Variants in NCOA6 observed in about 807,000 individuals in gnomAD.
NCOA6 encodes the protein NRC RAP250.
Under a neutral mutation model 171.4 loss-of-function variants are expected in NCOA6, and 49 were observed. The ratio of observed to expected loss-of-function variants is 0.29; its 90% CI spans 0.23 to 0.36. The LOEUF (loss-of-function observed/expected upper bound fraction) is 0.36, where lower values mean the gene tolerates loss of function less well. NCOA6 is among the 10% of genes least tolerant of loss of function. NCOA6 has a pLI of 1.00. For synonymous variants in NCOA6, 910 were observed against 927.5 expected, an observed-to-expected ratio of 0.98 and a Z score of 0.34; for missense variants, 2,248 against 2,554.5, an observed-to-expected ratio of 0.88 and a Z score of 2.59.
At chr20:34,799,119 C>A (rs1472863591) in intron 1 of NCOA6, among the ~76,000 whole-genome samples, 1 of 151,944 alleles carries the variant, frequency 6.6e-6, no homozygotes, top group Non-Finnish European at 1.5e-5. Context: ...AATTCAGAAT[C>A]CTATCAGATA....
chr20:34,750,415 G>C lies in NCOA6; in HGVS notation c.1780C>G (p.Gln594Glu). The stretch of plus-strand genomic sequence containing the variant: ...GGAACCCCAGAAGTACCAGCCTGCT[G>C]ATTGTTCATGTTGCCATGAATTCCC... ...LMGIHGNMNN[Q>E]QAGTSGVPQV... The change falls in exon 9 of 15, where the codon CAG becomes GAG. Residue 594 changes from glutamine to glutamate, a missense_variant. This residue lies in a region of NCOA6 where 987 missense variants were observed against 1,104.7 expected (regional missense o/e 0.89). Coordinates refer to ENST00000359003, the MANE Select transcript of NCOA6 (RefSeq NM_014071.5). 1 of 1,614,026 alleles carries C rather than the reference G, an allele frequency of 6.2e-7. No individual in the cohort carries two copies.
intron 5 of NCOA6, among the ~76,000 whole-genome samples, chr20:34,764,288 C>T (rs2076907972): frequency 1.3e-5 from 2 of 152,130 alleles, no homozygotes; most frequent in Admixed American, 1.3e-4. Context: ...AGGGTTTCAC[C>T]ATGTTAGCCA....
At chr20:34,779,228 T>C (rs991956070) in intron 3 of NCOA6, among the ~76,000 whole-genome samples, 5 of 152,182 alleles carry the variant, frequency 3.3e-5, no homozygotes, top group South Asian at 2.1e-4. Context: ...AAAAGTTATT[T>C]GGCTGCGTGC....
chr20:34,718,520 T>C (rs1264382394), intron 14 of NCOA6, among the ~76,000 whole-genome samples: 2 of 152,032 alleles, frequency 1.3e-5, no homozygotes, highest in African/African-American at 2.4e-5. Flanking sequence ...AATTACTTTT[T>C]TTTTTGAGAC....
At chr20:34,764,491 C>T (rs1600913273) in intron 5 of NCOA6, among the ~76,000 whole-genome samples, 1 of 151,914 alleles carries the variant, frequency 6.6e-6, no homozygotes. Context: ...GTCAGGAGTT[C>T]GAGACCAGCC....
intron 14 of NCOA6, among the ~76,000 whole-genome samples, chr20:34,724,756 T>C (rs903763130): frequency 6.6e-6 from 1 of 152,096 alleles, no homozygotes; most frequent in African/African-American, 2.4e-5. Context: ...ACACAGAGTA[T>C]TAGAATTCGT....
At chr20:34,770,991 C>A (rs1360231414) in intron 4 of NCOA6, among the ~76,000 whole-genome samples, 1 of 151,982 alleles carries the variant, frequency 6.6e-6, no homozygotes, top group Non-Finnish European at 1.5e-5. Flanking sequence ...TGTTGTTCAA[C>A]AGAAATATAA....
rs539247877 is a variant in NCOA6, at chr20:34,736,682, C to T, written c.5962+8G>A. 1.1e-5 allele frequency: 18 copies of T among 1,598,142 alleles called. No homozygotes were observed. The highest frequency in any genetic ancestry group is 1.8e-5 in the Admixed American group (1 of 57,082). ...CACTCCAAGAAGTTTTTCCAAAGTACGCCTTACCTGGTCTGGCAACAGAGG... is the reference window on the plus strand; with the variant it reads ...CACTCCAAGAAGTTTTTCCAAAGTATGCCTTACCTGGTCTGGCAACAGAGG... On this transcript the variant is annotated splice_region_variant and intron_variant, in intron 12 of 14. Coordinates refer to ENST00000359003, the MANE Select transcript of NCOA6 (RefSeq NM_014071.5).
chr20:34,791,789 A>ATAC (rs1395027959), intron 2 of NCOA6, among the ~76,000 whole-genome samples: 1 of 152,174 alleles, frequency 6.6e-6, no homozygotes, highest in African/African-American at 2.4e-5. Context: ...CCCTGTCATA[A>ATAC]TACTGTACAT....
intron 1 of NCOA6, among the ~76,000 whole-genome samples, chr20:34,824,491 C>G (rs1426588462): frequency 1.3e-5 from 2 of 152,230 alleles, no homozygotes; most frequent in Non-Finnish European, 2.9e-5. Flanking sequence ...GATGACCTCT[C>G]CAGGTGACTC....
intron 1 of NCOA6, among the ~76,000 whole-genome samples, chr20:34,794,335 A>G (rs538962650): frequency 6.6e-6 from 1 of 152,320 alleles, no homozygotes; most frequent in South Asian, 2.1e-4. Flanking sequence ...TTAACCTAGC[A>G]ATTCCACTTC....
At chr20:34,819,657 T>G (rs771464379) in intron 1 of NCOA6, 1 of 152,118 alleles carries the variant, frequency 6.6e-6, no homozygotes, top group Non-Finnish European at 1.5e-5. Flanking sequence ...ATTTGGCAAT[T>G]TAATTGAGCA....
rs2076106629 is a variant in NCOA6 at position 34,740,605 on chromosome 20, G to A, written c.5651C>T (p.Pro1884Leu). 6.2e-7 allele frequency: 1 copy of A among 1,614,190 alleles called. No homozygotes were observed. The highest frequency in any genetic ancestry group is 8.5e-7 in the Non-Finnish European group (1 of 1,180,038). Residue 1884 changes from proline (P) to leucine (L), a missense_variant, in exon 11 of 15, where the codon CCC becomes CTC. Pro to Leu is a moderately conservative substitution (Grantham distance 98). This residue lies in a region of NCOA6 where 884 missense variants were observed against 941.9 expected (regional missense o/e 0.94). Transcript: ENST00000359003. Reference sequence around the variant, plus strand: ...GCTAGAGGTCATTTTTAGCAGAGTGGGTGCTGGGGGCGTTGGGGTTTTACT... The same window carrying A: ...GCTAGAGGTCATTTTTAGCAGAGTGAGTGCTGGGGGCGTTGGGGTTTTACT... ...LDSKTPTPPA[P>L]TLLKMTSSPV...
At chr20:34,786,460 C>T (rs1250503757) in intron 2 of NCOA6, among the ~76,000 whole-genome samples, 3 of 152,092 alleles carry the variant, frequency 2.0e-5, no homozygotes, top group African/African-American at 7.2e-5. Context: ...CTTGAGATCT[C>T]TCTAGCTTTT....
intron 1 of NCOA6, among the ~76,000 whole-genome samples, chr20:34,823,520 C>G (rs2079066964): frequency 6.6e-6 from 1 of 152,184 alleles, no homozygotes; most frequent in African/African-American, 2.4e-5. Context: ...TTTTCCATGA[C>G]TAATTTGCAT....
rs1600818957 is a variant in NCOA6, at chr20:34,743,295, A to C, written c.2961T>G (p.Pro987=). The C allele has an allele frequency of 6.2e-7, 1 of 1,613,212 alleles. No individual in the cohort carries two copies. Among genetic ancestry groups the C allele is most frequent in the Non-Finnish European group, 8.5e-7 (1 of 1,179,484 alleles). The change falls in exon 11 of 15, where the codon CCT becomes CCG. Residue 987 remains proline (P), a synonymous_variant. Transcript: ENST00000359003. ...GTGCCACATGCTGCATGAGTTGAGG[A>C]GGCATCTGCTGAAGTGGCCTCTGTT... is the stretch of plus-strand genomic sequence containing the variant. The part of the protein sequence containing the change: ...PVEQRPLQQM[P]PQLMQHVAPP...
chr20:34,808,955 G>A (rs917392109), intron 1 of NCOA6, among the ~76,000 whole-genome samples: 5 of 152,184 alleles, frequency 3.3e-5, no homozygotes, highest in African/African-American at 7.2e-5. Flanking sequence ...CAAGATGACA[G>A]AGAGAGAGGC....
rs1476591680 is a variant in NCOA6 at position 34,750,118 on chromosome 20, C to A, written c.2077G>T (p.Ala693Ser). Reference protein sequence around the residue: ...MLSQQGPQMMAPHNQMMGPQG... With the variant: ...MLSQQGPQMMSPHNQMMGPQG... ...GGCCCCATCATCTGGTTATGTGGCG[C>A]CATCATTTGTGGGCCCTGCTGGGAA... Residue 693 changes from alanine to serine, a missense_variant, in exon 9 of 15, where the codon GCG becomes TCG. Around this residue, in one of 7 missense-constraint regions of NCOA6, gnomAD observed 987 missense variants for 1,104.7 expected, o/e 0.89. Transcript: ENST00000359003. The A allele has an allele frequency of 1.2e-6, 2 of 1,614,100 alleles. No homozygotes were observed. The highest frequency in any genetic ancestry group is 1.7e-6 in the Non-Finnish European group (2 of 1,179,996).
chr20:34,799,540 A>T (rs1382613480), intron 1 of NCOA6, among the ~76,000 whole-genome samples: 1 of 152,226 alleles, frequency 6.6e-6, no homozygotes, highest in African/African-American at 2.4e-5. Context: ...GACATTTAAT[A>T]ACCAAACTCC....
Sources: allele counts gnomAD v4.1 joint callset (sites outside exome capture counted in the v4.1 genomes callset), GRCh38; gene constraint gnomAD v4.1.1; regional missense constraint gnomAD v4.1.1; transcripts MANE v1.5; gene names NCBI Gene and HGNC (gene_info 2026-07-23, HGNC 2026-07-21).